The following CDH18 variants were observed in gnomAD, a reference collection of about 807,000 sequenced individuals.
CDH18 encodes cadherin 18, also known as cadherin-18.
In CDH18, 31 loss-of-function variants were observed where a neutral mutation model predicts 67.9. The ratio of observed to expected loss-of-function variants is 0.46; its 90% CI spans 0.34 to 0.62. The LOEUF (loss-of-function observed/expected upper bound fraction) is 0.62, where lower values mean the gene tolerates loss of function less well. Among genes scored for constraint, CDH18 ranks in the 20% least tolerant of loss-of-function variants. The pLI, the probability that CDH18 is intolerant of heterozygous loss-of-function variation, is 0.01. For synonymous variants in CDH18, 362 were observed against 347.2 expected, an observed-to-expected ratio of 1.04 and a Z score of -0.48; for missense variants, 890 against 975.5, an observed-to-expected ratio of 0.91 and a Z score of 1.17.
rs536945257 is a variant in CDH18 at position 20,066,140 on chromosome 5, C to T, written c.-517-74126G>A. 4.6e-5 allele frequency among the ~76,000 whole-genome samples: 7 copies of T among 151,982 alleles called. No homozygotes were observed. The South Asian group carries it at 1.5e-3, about 32-fold the overall frequency. The stretch of plus-strand genomic sequence containing the variant: ...TCAACAGAGAATAACTTCAGAAAAG[C>T]CAAGCTGGAACATCAACTCTAATTT... On this transcript the variant is annotated intron_variant, in intron 2 of 14. Coordinates refer to the CDH18 transcript ENST00000507958.
Position 20,159,309 on chromosome 5 carries a change from C to T in CDH18, c.-518+96135G>A, listed in dbSNP as rs185952536. On this transcript the variant is annotated intron_variant, in intron 2 of 14. Coordinates refer to the CDH18 transcript ENST00000507958. ...CTTTTAAAGTTTGAGGACCATTATACGAAATAAAAAGCACTGAAGAAAAAG... is the reference window on the plus strand; with the variant it reads ...CTTTTAAAGTTTGAGGACCATTATATGAAATAAAAAGCACTGAAGAAAAAG... 2.4e-3 allele frequency among the ~76,000 whole-genome samples: 363 copies of T among 151,986 alleles called. 3 individuals are homozygous for T. Among genetic ancestry groups the T allele is most frequent in the African/African-American group, 8.1e-3 (337 of 41,466 alleles).
At chr5:19,483,073 A>C (rs1258313833) in intron 12 of CDH18, among the ~76,000 whole-genome samples, 2 of 152,164 alleles carry the variant, frequency 1.3e-5, no homozygotes, top group African/African-American at 4.8e-5. Context: ...CACTTTCAAA[A>C]GCTATTTCTT....
At chr5:19,565,416 G>A (rs1326944281) in intron 8 of CDH18, among the ~76,000 whole-genome samples, 2 of 152,148 alleles carry the variant, frequency 1.3e-5, no homozygotes, top group African/African-American at 2.4e-5. Flanking sequence ...GTAATCCAGG[G>A]AATTATCTTA....
chr5:20,349,016 C>T (rs1383120299), intron 1 of CDH18, among the ~76,000 whole-genome samples: 1 of 152,042 alleles, frequency 6.6e-6, no homozygotes, highest in East Asian at 1.9e-4. Context: ...TGTGTATTTA[C>T]TTTTTAAAGA....
chr5:20,173,151 AC>A (rs1736972916), intron 2 of CDH18, among the ~76,000 whole-genome samples: 1 of 152,110 alleles, frequency 6.6e-6, no homozygotes, highest in Non-Finnish European at 1.5e-5. Flanking sequence ...AAAGTGTGGA[AC>A]CCCCATGGCT....
chr5:20,298,261 T>C (rs1747693565), intron 1 of CDH18, among the ~76,000 whole-genome samples: 1 of 152,146 alleles, frequency 6.6e-6, no homozygotes, highest in Non-Finnish European at 1.5e-5. Context: ...ACTCAAAAAA[T>C]TATAATTTTG....
chr5:19,674,580 A>G (rs542193719), intron 5 of CDH18, among the ~76,000 whole-genome samples: 4 of 152,272 alleles, frequency 2.6e-5, no homozygotes, highest in Admixed American at 2.0e-4. Context: ...GTCAATTGAC[A>G]TCACAGACTT....
At chr5:19,971,877 A>G (rs1338064003) in intron 2 of CDH18, among the ~76,000 whole-genome samples, 1 of 152,014 alleles carries the variant, frequency 6.6e-6, no homozygotes, top group African/African-American at 2.4e-5. Flanking sequence ...AGAGAGAGAA[A>G]GAAATGTGAA....
At chr5:19,539,045 G>A (rs1749833544) in intron 9 of CDH18, among the ~76,000 whole-genome samples, 1 of 152,176 alleles carries the variant, frequency 6.6e-6, no homozygotes, top group Non-Finnish European at 1.5e-5. Flanking sequence ...ACATGGCAAT[G>A]TTCCCAATGA....
rs3811869 is a variant in CDH18 at position 19,528,894 on chromosome 5, G to A, written c.1391-8116C>T. Among the ~76,000 whole-genome samples the A allele has an allele frequency of 1.2e-3, 182 of 151,818 alleles. 7 individuals carry two copies. The East Asian group carries it at 0.028, about 23-fold the overall frequency. On this transcript the variant is annotated intron_variant, in intron 9 of 12. Coordinates refer to ENST00000382275, the MANE Select transcript of CDH18 (RefSeq NM_004934.5). ...GTTACACAAATTCTGAATCCATTCTGTGCGTATATCCCATTATTTTGTTTA... is the reference window on the plus strand; with the variant it reads ...GTTACACAAATTCTGAATCCATTCTATGCGTATATCCCATTATTTTGTTTA...
rs1469007142 is a variant in CDH18, at chr5:19,952,524, CT to C, written c.-257+28535del. On this transcript the variant is annotated intron_variant, in intron 2 of 12. Transcript: ENST00000382275. ...ACACAAACACACATCAGTCCAGTAC[CT>C]TATGTGTCCTTCTTCCTAATACTCT... Among the ~76,000 whole-genome samples, 5 of 152,074 alleles carry C rather than the reference CT, an allele frequency of 3.3e-5. No individual in the cohort carries two copies. The East Asian group carries it at 7.7e-4, about 23-fold the overall frequency.
intron 1 of CDH18, among the ~76,000 whole-genome samples, chr5:20,269,963 A>G (rs764556640): frequency 6.6e-5 from 10 of 152,108 alleles, no homozygotes; most frequent in Non-Finnish European, 1.3e-4. Context: ...TAGGAATTAC[A>G]TGTCACCTAT....
intron 2 of CDH18, among the ~76,000 whole-genome samples, chr5:20,038,917 G>T (rs1215739835): frequency 6.6e-6 from 1 of 152,136 alleles, no homozygotes; most frequent in Admixed American, 6.6e-5. Flanking sequence ...TCTGTTTGCA[G>T]ATGAGATGAT....
chr5:20,398,412 G>T (rs1166477629), intron 1 of CDH18, among the ~76,000 whole-genome samples: 1 of 151,934 alleles, frequency 6.6e-6, no homozygotes, highest in African/African-American at 2.4e-5. Context: ...CCTATAAAAT[G>T]GTCACATTCA....
chr5:20,138,601 G>T (rs1749952209), intron 2 of CDH18, among the ~76,000 whole-genome samples: 1 of 152,110 alleles, frequency 6.6e-6, no homozygotes, highest in South Asian at 2.1e-4. Flanking sequence ...AAGCTGATAA[G>T]CAACTTCAGC....
At chr5:19,873,925 G>C (rs1271016229) in intron 2 of CDH18, among the ~76,000 whole-genome samples, 4 of 152,078 alleles carry the variant, frequency 2.6e-5, no homozygotes, top group African/African-American at 9.7e-5. Context: ...TGGGATTACA[G>C]GCATGAGCCA....
At chr5:20,394,327 T>C (rs570984920) in intron 1 of CDH18, among the ~76,000 whole-genome samples, 4 of 152,100 alleles carry the variant, frequency 2.6e-5, no homozygotes, top group African/African-American at 2.4e-5. Context: ...CACTATTCCA[T>C]AAATGATTCT....
chr5:19,939,651 T>G (rs984595796), intron 2 of CDH18, among the ~76,000 whole-genome samples: 7 of 151,836 alleles, frequency 4.6e-5, no homozygotes, highest in Admixed American at 6.6e-5. Flanking sequence ...TTGTCTTTTA[T>G]AGAGTAATTA....
chr5:20,048,757 T>C (rs747555504), intron 2 of CDH18, among the ~76,000 whole-genome samples: 6 of 151,668 alleles, frequency 4.0e-5, no homozygotes, highest in Admixed American at 6.6e-5. Context: ...AATCTTCTGA[T>C]ATATTATCAG....
Sources: allele counts gnomAD v4.1 joint callset (sites outside exome capture counted in the v4.1 genomes callset), GRCh38; gene constraint gnomAD v4.1.1; transcripts MANE v1.5; gene names NCBI Gene and HGNC (gene_info 2026-07-23, HGNC 2026-07-21).